The following FRAS1 variants were observed in gnomAD, a reference collection of about 807,000 sequenced individuals.
FRAS1 encodes extracellular matrix organizing protein FRAS1.
A neutral mutation model predicts 435.2 loss-of-function variants in FRAS1; 290 were observed. The ratio of observed to expected loss-of-function variants is 0.67; its 90% CI spans 0.61 to 0.73. The LOEUF is 0.73. FRAS1 is among the 30% of genes least tolerant of loss of function. The probability of loss-of-function intolerance (pLI) is 0.00; values close to 1 mark genes in which losing one functional copy is unlikely to be tolerated. For missense variants in FRAS1, 4,860 were observed against 5,001.5 expected (o/e 0.97, Z 0.85); for synonymous variants, 1,800 against 1,851.0 (o/e 0.97, Z 0.71).
intron 38 of FRAS1, among the ~76,000 whole-genome samples, chr4:78,436,255 A>G (rs1300332691): frequency 6.6e-6 from 1 of 152,234 alleles, no homozygotes. Flanking sequence ...CAATAAACAT[A>G]TGAAGAGATA....
intron 2 of FRAS1, among the ~76,000 whole-genome samples, chr4:78,133,647 C>T (rs1035643241): frequency 1.3e-5 from 2 of 152,058 alleles, no homozygotes; most frequent in African/African-American, 2.4e-5. Flanking sequence ...AATATATATA[C>T]CTACTATATA....
intron 27 of FRAS1, among the ~76,000 whole-genome samples, chr4:78,381,592 TTC>T (rs1184166850): frequency 1.3e-5 from 2 of 152,218 alleles, no homozygotes; most frequent in Non-Finnish European, 2.9e-5. Flanking sequence ...ACCTGGCCTA[TTC>T]TTAAGTATTT....
At chr4:78,165,821 G>A (rs1560559178) in intron 2 of FRAS1, among the ~76,000 whole-genome samples, 2 of 152,164 alleles carry the variant, frequency 1.3e-5, no homozygotes, top group Admixed American at 1.3e-4. Context: ...GCAGGCTAGA[G>A]TGGGCTTATT....
At position 78,188,324 on chromosome 4, in the gene FRAS1, ATCTATC is replaced by A. The variant is rs1165828591; in HGVS notation, c.109-49184_109-49179del. Among the ~76,000 whole-genome samples, 206 of 114,402 alleles carry A rather than the reference ATCTATC, an allele frequency of 1.8e-3. 4 individuals are homozygous for A. Among genetic ancestry groups the A allele is most frequent in the African/African-American group, 6.3e-3 (195 of 30,932 alleles). 75.1% of individuals were successfully genotyped at this position (114,402 alleles called of 152,430 possible). A position where few individuals can be genotyped will look rare whatever the true frequency, so the allele number is the denominator to read the frequency against. On this transcript the variant is annotated intron_variant, in intron 2 of 73. Coordinates refer to ENST00000512123, the MANE Select transcript of FRAS1 (RefSeq NM_025074.7). The stretch of plus-strand genomic sequence containing the variant: ...ATCTATCTATCTATCTATCTAATCT[ATCTATC>A]TATATTTAGGTTGGTGCAAAGGTAA...
At chr4:78,174,105 T>C (rs2110041002) in intron 2 of FRAS1, among the ~76,000 whole-genome samples, 1 of 152,324 alleles carries the variant, frequency 6.6e-6, no homozygotes, top group South Asian at 2.1e-4. Flanking sequence ...CAGCTTCTTT[T>C]ATTTTTAGGA....
intron 2 of FRAS1, among the ~76,000 whole-genome samples, chr4:78,079,674 A>C (rs1329015984): frequency 6.6e-6 from 1 of 152,050 alleles, no homozygotes; most frequent in Non-Finnish European, 1.5e-5. Context: ...GGCAGCATTG[A>C]TTTATACAGT....
intron 2 of FRAS1, chr4:78,068,579 C>G: frequency 4.4e-6 from 2 of 456,156 alleles, no homozygotes; most frequent in South Asian, 3.1e-5. Context: ...TTGGAGGTGC[C>G]AGAGAGGAGG....
Position 78,508,949 on chromosome 4 carries a change from C to T in FRAS1, c.9723C>T (p.Ala3241=), listed in dbSNP as rs1578364936. Residue 3241 remains alanine, a synonymous_variant, in exon 63 of 74, where the codon GCC becomes GCT. Transcript: ENST00000512123. The part of the protein sequence containing the change: ...EVAAPTDGNG[A]RSPFETITDN... Reference sequence around the variant, plus strand: ...CTGCCCCCACTGATGGCAATGGGGCCCGGTCTCCCTTTGAAACCATCACTG... The same window carrying T: ...CTGCCCCCACTGATGGCAATGGGGCTCGGTCTCCCTTTGAAACCATCACTG... The T allele has an allele frequency of 1.2e-6, 2 of 1,613,938 alleles. No homozygotes were observed. Among genetic ancestry groups the T allele is most frequent in the Non-Finnish European group, 1.7e-6 (2 of 1,179,886 alleles).
intron 29 of FRAS1, among the ~76,000 whole-genome samples, chr4:78,397,023 C>T (rs1732700503): frequency 6.6e-6 from 1 of 152,144 alleles, no homozygotes; most frequent in African/African-American, 2.4e-5. Context: ...ATTTGTCAGG[C>T]AGTTCACAAA....
intron 9 of FRAS1, among the ~76,000 whole-genome samples, chr4:78,276,822 A>G (rs892939871): frequency 5.9e-5 from 9 of 152,112 alleles, no homozygotes; most frequent in Non-Finnish European, 1.3e-4. Flanking sequence ...TGCTTGGAGG[A>G]CCACTTTTCT....
At chr4:78,424,266 A>G in intron 34 of FRAS1, 122 bp from the exon 35 acceptor site, 1 of 484,802 alleles carries the variant, frequency 2.1e-6, no homozygotes, top group South Asian at 4.8e-5. Context: ...TTCCTTAAAA[A>G]AGAATAATTT....
At chr4:78,257,596 G>A (rs1236677004) in intron 6 of FRAS1, among the ~76,000 whole-genome samples, 2 of 152,130 alleles carry the variant, frequency 1.3e-5, no homozygotes, top group Non-Finnish European at 2.9e-5. Context: ...ATTAAGGAAA[G>A]TTTGGCAAGG....
intron 33 of FRAS1, among the ~76,000 whole-genome samples, chr4:78,420,303 A>C (rs922099314): frequency 5.9e-5 from 9 of 152,338 alleles, no homozygotes; most frequent in East Asian, 3.9e-4. Flanking sequence ...CTGCTAAGTC[A>C]TAGCTAACGG....
Position 78,481,856 on chromosome 4 carries a change from A to T in FRAS1, c.8496A>T (p.Ala2832=). 3 of 1,613,928 alleles carry T rather than the reference A, an allele frequency of 1.9e-6. No homozygotes were observed. Among genetic ancestry groups the T allele is most frequent in the Non-Finnish European group, 2.5e-6 (3 of 1,179,838 alleles). Reference sequence around the variant, plus strand: ...ATGGTACTGACCTCTCTACTTTCGCATCTGTCTGGTGTGCAACGCGGCCCT... The same window carrying T: ...ATGGTACTGACCTCTCTACTTTCGCTTCTGTCTGGTGTGCAACGCGGCCCT... The part of the protein sequence containing the change: ...IRHGTDLSTF[A]SVWCATRPSD... The change falls in exon 57 of 74, where the codon GCA becomes GCT. Residue 2832 remains alanine, a synonymous_variant. Transcript: ENST00000512123.
At chr4:78,280,791 T>C (rs1472437972) in intron 10 of FRAS1, among the ~76,000 whole-genome samples, 1 of 152,186 alleles carries the variant, frequency 6.6e-6, no homozygotes, top group Admixed American at 6.5e-5. Flanking sequence ...GCTGTAGAGA[T>C]GTTATGTGTG....
At chr4:78,426,822 G>A (rs996760798) in intron 35 of FRAS1, among the ~76,000 whole-genome samples, 1 of 152,176 alleles carries the variant, frequency 6.6e-6, no homozygotes, top group African/African-American at 2.4e-5. Flanking sequence ...TTATATGATT[G>A]CTTGCAAAAC....
intron 14 of FRAS1, among the ~76,000 whole-genome samples, chr4:78,286,891 C>T (rs1727633412): frequency 6.6e-6 from 1 of 151,962 alleles, no homozygotes; most frequent in South Asian, 2.1e-4. Flanking sequence ...TTTGTTTATA[C>T]TTGGCCATTT....
chr4:78,276,941 C>T (rs1301537166), intron 9 of FRAS1, among the ~76,000 whole-genome samples: 2 of 152,192 alleles, frequency 1.3e-5, no homozygotes, highest in African/African-American at 4.8e-5. Flanking sequence ...GGCAGGCCTC[C>T]TTGAGCTGCA....
intron 2 of FRAS1, among the ~76,000 whole-genome samples, chr4:78,106,205 A>T (rs1254902866): frequency 1.0e-5 from 1 of 95,306 alleles, no homozygotes; most frequent in Non-Finnish European, 2.2e-5. Context: ...TTGCTTAGGT[A>T]AACAAAGCAG....
Sources: gnomAD v4.1 joint callset for allele counts (sites outside exome capture counted in the v4.1 genomes callset) on GRCh38, gnomAD v4.1.1 for gene constraint, MANE v1.5 for transcripts, NCBI Gene and HGNC (gene_info 2026-07-23, HGNC 2026-07-21) for gene names.